The following CAB39 variants were observed in gnomAD, a reference collection of about 807,000 sequenced individuals.
The protein encoded by CAB39 is calcium binding protein 39, also known as calcium-binding protein 39.
CAB39 carries 8 observed loss-of-function variants against 40.0 expected under a neutral mutation model. That is an observed-to-expected ratio of 0.20 (90% CI 0.12 to 0.36). The LOEUF (loss-of-function observed/expected upper bound fraction) is 0.36. CAB39 is among the 10% of genes least tolerant of loss of function. The pLI, the probability that CAB39 is intolerant of heterozygous loss-of-function variation, is 1.00. For synonymous variants in CAB39, 156 were observed against 141.6 expected, an observed-to-expected ratio of 1.10 and a Z score of -0.72; for missense variants, 270 against 401.1, an observed-to-expected ratio of 0.67 and a Z score of 2.79.
intron 1 of CAB39, among the ~76,000 whole-genome samples, chr2:230,716,998 C>T (rs1167195387): frequency 2.0e-5 from 3 of 151,936 alleles, no homozygotes; most frequent in Non-Finnish European, 4.4e-5. Context: ...TACCCCATCT[C>T]AAAAAATGTA....
intron 1 of CAB39, among the ~76,000 whole-genome samples, chr2:230,726,262 A>C (rs930825102): frequency 6.6e-6 from 1 of 151,962 alleles, no homozygotes; most frequent in Non-Finnish European, 1.5e-5. Flanking sequence ...TCCTGGATTC[A>C]AGCAATTCTC....
At chr2:230,720,576 C>T (rs1694430998) in intron 1 of CAB39, among the ~76,000 whole-genome samples, 1 of 152,134 alleles carries the variant, frequency 6.6e-6, no homozygotes, top group Non-Finnish European at 1.5e-5. Flanking sequence ...GCTGGGATTA[C>T]AGGTGCGCGC....
intron 1 of CAB39, among the ~76,000 whole-genome samples, chr2:230,754,893 C>T (rs1195900274): frequency 6.6e-6 from 1 of 152,140 alleles, no homozygotes; most frequent in South Asian, 2.1e-4. Context: ...TATGCCTTTG[C>T]GTCCTCAAAG....
At chr2:230,808,531 G>C (rs147607644) in intron 5 of CAB39, among the ~76,000 whole-genome samples, 14 of 152,272 alleles carry the variant, frequency 9.2e-5, no homozygotes, top group East Asian at 1.9e-4. Flanking sequence ...CATGGACCAC[G>C]GTACGAAGAT....
chr2:230,734,802 C>T (rs1446465300), intron 1 of CAB39, among the ~76,000 whole-genome samples: 5 of 123,350 alleles, frequency 4.1e-5, no homozygotes, highest in Non-Finnish European at 7.9e-5. Flanking sequence ...AGGCATTCCA[C>T]CCCGACGAAG....
chr2:230,739,469 A>G (rs1207137361), intron 1 of CAB39, among the ~76,000 whole-genome samples: 1 of 152,246 alleles, frequency 6.6e-6, no homozygotes, highest in Non-Finnish European at 1.5e-5. Context: ...TTCTAAATAA[A>G]TAATGCTTTG....
intron 1 of CAB39, among the ~76,000 whole-genome samples, chr2:230,732,986 A>T (rs907428915): frequency 6.6e-6 from 1 of 152,146 alleles, no homozygotes; most frequent in Non-Finnish European, 1.5e-5. Flanking sequence ...TAAATATGGA[A>T]TTTTTTTCAA....
intron 1 of CAB39, among the ~76,000 whole-genome samples, chr2:230,737,477 A>G (rs1173420807): frequency 2.0e-5 from 3 of 152,202 alleles, no homozygotes; most frequent in African/African-American, 7.2e-5. Context: ...ATGGTTAACA[A>G]TAACCCCAGC....
At chr2:230,792,473 A>G (rs558937944) in intron 3 of CAB39, among the ~76,000 whole-genome samples, 2 of 152,092 alleles carry the variant, frequency 1.3e-5, no homozygotes, top group African/African-American at 2.4e-5. Flanking sequence ...TCCCTCTCCT[A>G]TGGGCTTGTT....
chr2:230,810,999 A>G (rs1348969250), intron 6 of CAB39, among the ~76,000 whole-genome samples: 2 of 152,138 alleles, frequency 1.3e-5, no homozygotes, highest in African/African-American at 4.8e-5. Context: ...GATCTCTTCC[A>G]CCACTGCCAG....
chr2:230,725,131 T>G, intron 1 of CAB39: 1 of 1,612,740 alleles, frequency 6.2e-7, no homozygotes, highest in Non-Finnish European at 8.5e-7. Context: ...ATTGAGAGCT[T>G]CCCAGAGAGC....
intron 1 of CAB39, among the ~76,000 whole-genome samples, chr2:230,729,769 A>G (rs1312523064): frequency 6.6e-6 from 1 of 151,998 alleles, no homozygotes; most frequent in Non-Finnish European, 1.5e-5. Flanking sequence ...GTTTAGTAAG[A>G]TGGTTTTATA....
At chr2:230,745,720 G>A (rs776420890) in intron 1 of CAB39, among the ~76,000 whole-genome samples, 5 of 151,888 alleles carry the variant, frequency 3.3e-5, no homozygotes, top group Admixed American at 2.0e-4. Flanking sequence ...TCCACCTCCC[G>A]GGTTAAAGCG....
chr2:230,815,162 C>G (rs1696378498), intron 7 of CAB39, among the ~76,000 whole-genome samples: 1 of 152,268 alleles, frequency 6.6e-6, no homozygotes, highest in African/African-American at 2.4e-5. Flanking sequence ...TCAGCACTTT[C>G]TTTCAGAACA....
chr2:230,810,977 GC>G (rs1211873400), intron 6 of CAB39, among the ~76,000 whole-genome samples: 3 of 152,170 alleles, frequency 2.0e-5, no homozygotes, highest in African/African-American at 7.2e-5. Context: ...CTCTAGGGCT[GC>G]CATGTGAAAT....
chr2:230,745,125 T>C (rs1385805612), intron 1 of CAB39, among the ~76,000 whole-genome samples: 1 of 152,246 alleles, frequency 6.6e-6, no homozygotes, highest in Non-Finnish European at 1.5e-5. Flanking sequence ...CATTAAGTAC[T>C]CATTGTTTAA....
intron 3 of CAB39, among the ~76,000 whole-genome samples, chr2:230,791,423 A>T (rs1167900265): frequency 1.3e-5 from 2 of 152,236 alleles, no homozygotes; most frequent in Non-Finnish European, 2.9e-5. Context: ...TCAGAGGAAG[A>T]TACAATCTTA....
intron 1 of CAB39, chr2:230,725,413 G>T (rs1694547293): frequency 6.3e-7 from 1 of 1,590,754 alleles, no homozygotes; most frequent in Non-Finnish European, 8.6e-7. Context: ...TCTTGATCAG[G>T]CTTAATCCGC....
chr2:230,715,842 A>G (rs1694339853), intron 1 of CAB39, among the ~76,000 whole-genome samples: 1 of 152,168 alleles, frequency 6.6e-6, no homozygotes, highest in South Asian at 2.1e-4. Flanking sequence ...ACGGGACCAC[A>G]GGCTCGTACC....
Sources: gnomAD v4.1 joint callset for allele counts (sites outside exome capture counted in the v4.1 genomes callset) on GRCh38, gnomAD v4.1.1 for gene constraint, MANE v1.5 for transcripts, NCBI Gene and HGNC (gene_info 2026-07-23, HGNC 2026-07-21) for gene names.